CKMT2: variants seen among roughly 807,000 people sequenced by gnomAD.
The protein encoded by CKMT2 is creatine kinase S-type, mitochondrial.
CKMT2 carries 43 observed loss-of-function variants against 48.9 expected under a neutral mutation model. The observed-to-expected ratio is 0.88, with a 90% CI of 0.69 to 1.13. The LOEUF (loss-of-function observed/expected upper bound fraction) is 1.13. Ranked by LOEUF, CKMT2 falls within the 50% of genes most tolerant of loss-of-function variation. The pLI, the probability that CKMT2 is intolerant of heterozygous loss-of-function variation, is 0.00. For synonymous variants in CKMT2, 206 were observed against 213.0 expected, an observed-to-expected ratio of 0.97 and a Z score of 0.29; for missense variants, 472 against 555.4, an observed-to-expected ratio of 0.85 and a Z score of 1.51.
chr5:81,257,141 AGTGTGTGTGTGTGTGTGTGTGT>A (rs3830407), intron 6 of CKMT2, 141 bp downstream of exon 6: 348 of 498,158 alleles, frequency 7.0e-4, no homozygotes, highest in Admixed American at 1.6e-3. Context: ...CTACTTGGAA[AGTGTGTGTGTGTGTGTGTGTGT>A]GTGTGTGTGT....
intron 8 of CKMT2, among the ~76,000 whole-genome samples, chr5:81,263,175 G>A (rs554660430): frequency 5.9e-5 from 9 of 151,624 alleles, no homozygotes; most frequent in Non-Finnish European, 1.3e-4. Context: ...GGGCCAGTTG[G>A]GGGGTGGGGG....
In CKMT2 at chr5:81,244,775, C is replaced by T. The variant is rs1756550721; in HGVS notation, c.-20-6338C>T. 2.0e-5 allele frequency: 3 copies of T among 152,112 alleles called. No homozygotes were observed. In the South Asian group the frequency reaches 6.2e-4, roughly 32 times the overall value. The allele number at this position is 152,112 out of a possible 1,614,324, so 9.4% of individuals were successfully genotyped here. A position where few individuals can be genotyped will look rare whatever the true frequency, so the allele number is the denominator to read the frequency against. On this transcript the variant is annotated intron_variant, in intron 1 of 9. Transcript: ENST00000254035. ...GGCTTTCCTTTATCACAGTGCTACA[C>T]AGGAGGGGAAACGGACCAAGCCATT...
At chr5:81,236,498 G>A (rs1339802677) in intron 1 of CKMT2, among the ~76,000 whole-genome samples, 1 of 152,164 alleles carries the variant, frequency 6.6e-6, no homozygotes, top group Non-Finnish European at 1.5e-5. Context: ...TTGTTACATA[G>A]ACTGATTGTG....
chr5:81,244,216 T>C, intron 1 of CKMT2: 1 of 983,480 alleles, frequency 1.0e-6, no homozygotes, highest in Non-Finnish European at 1.2e-6. Flanking sequence ...GTAAAGTTCC[T>C]TACTGTAATG....
chr5:81,244,690 CA>C (rs1458398195), intron 1 of CKMT2: 3 of 152,260 alleles, frequency 2.0e-5, no homozygotes, highest in African/African-American at 7.2e-5. Context: ...AGCTTGTCCT[CA>C]AACCTCTCAT....
At chr5:81,258,897 ATGGT>A (rs1258124558) in intron 7 of CKMT2, among the ~76,000 whole-genome samples, 1 of 152,184 alleles carries the variant, frequency 6.6e-6, no homozygotes, top group Non-Finnish European at 1.5e-5. Flanking sequence ...TGATGCAAAA[ATGGT>A]TGGGGACCAC....
intron 1 of CKMT2, among the ~76,000 whole-genome samples, chr5:81,249,478 C>T (rs1306008533): frequency 1.3e-5 from 2 of 152,216 alleles, no homozygotes; most frequent in African/African-American, 4.8e-5. Flanking sequence ...ACACAGCTCC[C>T]TGCTAGGTGA....
intron 1 of CKMT2, among the ~76,000 whole-genome samples, chr5:81,241,556 A>G (rs1756434856): frequency 6.6e-6 from 1 of 152,192 alleles, no homozygotes; most frequent in Non-Finnish European, 1.5e-5. Context: ...TCCAAGTTGT[A>G]AAACTACCTG....
chr5:81,261,945 T>C (rs1372663929), intron 8 of CKMT2, among the ~76,000 whole-genome samples: 1 of 152,186 alleles, frequency 6.6e-6, no homozygotes, highest in Non-Finnish European at 1.5e-5. Context: ...CAAACTATAC[T>C]ACAAGGCTAC....
intron 1 of CKMT2, among the ~76,000 whole-genome samples, chr5:81,247,568 A>C (rs960886642): frequency 4.6e-5 from 7 of 152,246 alleles, no homozygotes; most frequent in Non-Finnish European, 1.0e-4. Context: ...TTAACATGCA[A>C]GAGAGATTTA....
intron 1 of CKMT2, among the ~76,000 whole-genome samples, chr5:81,241,015 G>T (rs936070948): frequency 7.2e-5 from 11 of 152,154 alleles, no homozygotes; most frequent in African/African-American, 2.7e-4. Context: ...TTACTCATCA[G>T]ACATTTAATG....
In CKMT2 at chr5:81,266,207, A is replaced by G. The variant is rs746877670; in HGVS notation, c.1209A>G (p.Arg403=). ...YLVDCEKKLE[R]GQDIKVPPPL... ...TGGATTGTGAAAAGAAGTTGGAGAG[A>G]GGCCAAGATATTAAGGTGCCACCCC... Residue 403 remains arginine, a synonymous_variant, in exon 10 of 10, where the codon AGA becomes AGG. Coordinates refer to ENST00000254035, the MANE Select transcript of CKMT2 (RefSeq NM_001099735.2). The G allele has an allele frequency of 6.2e-7, 1 of 1,613,458 alleles. No homozygotes were observed. The highest frequency in any genetic ancestry group is 2.2e-5 in the East Asian group (1 of 44,852).
intron 3 of CKMT2, among the ~76,000 whole-genome samples, chr5:81,253,792 T>C (rs1756904169): frequency 1.3e-5 from 2 of 152,354 alleles, no homozygotes; most frequent in South Asian, 4.1e-4. Context: ...TAACAATTTT[T>C]TTTTAACATA....
At chr5:81,253,788 T>C (rs1332760580) in intron 3 of CKMT2, among the ~76,000 whole-genome samples, 1 of 151,454 alleles carries the variant, frequency 6.6e-6, no homozygotes, top group Non-Finnish European at 1.5e-5. Context: ...CTTTTAACAA[T>C]TTTTTTTTAA....
chr5:81,261,469 CA>C (rs1219321817), intron 8 of CKMT2, among the ~76,000 whole-genome samples: 2 of 152,154 alleles, frequency 1.3e-5, no homozygotes, highest in Non-Finnish European at 2.9e-5. Flanking sequence ...CATCTCAGCC[CA>C]AAATCTTAAG....
intron 2 of CKMT2, 56 bp from the exon 3 acceptor site, chr5:81,252,639 A>G: frequency 6.3e-7 from 1 of 1,576,658 alleles, no homozygotes; most frequent in Non-Finnish European, 8.7e-7. Context: ...AAGTCCTTCC[A>G]TTGGCCCCTT....
chr5:81,254,007 C>G (rs1172439247), intron 3 of CKMT2, among the ~76,000 whole-genome samples: 2 of 152,188 alleles, frequency 1.3e-5, no homozygotes, highest in Non-Finnish European at 2.9e-5. Flanking sequence ...AACTGTGTAG[C>G]CTCTGATCAG....
At chr5:81,247,178 T>C (rs904808538) in intron 1 of CKMT2, among the ~76,000 whole-genome samples, 1 of 152,186 alleles carries the variant, frequency 6.6e-6, no homozygotes, top group Non-Finnish European at 1.5e-5. Flanking sequence ...AACAGTTCAG[T>C]ACGTTATGAT....
intron 1 of CKMT2, among the ~76,000 whole-genome samples, chr5:81,250,051 TTC>T (rs1756751995): frequency 6.6e-6 from 1 of 152,242 alleles, no homozygotes; most frequent in African/African-American, 2.4e-5. Flanking sequence ...CAAATCTGAC[TTC>T]TCTGTTTATT....
Sources: allele counts gnomAD v4.1 joint callset (sites outside exome capture counted in the v4.1 genomes callset), GRCh38; gene constraint gnomAD v4.1.1; transcripts MANE v1.5; gene names NCBI Gene and HGNC (gene_info 2026-07-23, HGNC 2026-07-21).